Variants in UGT1A8 observed in about 807,000 individuals in gnomAD.
UGT1A8 encodes UDP glucuronosyltransferase family 1 member A8, also known as UDP-glucuronosyltransferase 1A8.
UGT1A8 carries 39 observed loss-of-function variants against 45.3 expected under a neutral mutation model. The observed-to-expected ratio is 0.86, with a 90% CI of 0.67 to 1.12. The LOEUF (loss-of-function observed/expected upper bound fraction) is 1.12. UGT1A8 is among the 50% of genes most tolerant of loss of function. The probability of loss-of-function intolerance (pLI) is 0.00; values close to 1 mark genes in which losing one functional copy is unlikely to be tolerated. For missense variants in UGT1A8, 719 were observed against 664.9 expected, an observed-to-expected ratio of 1.08 and a Z score of -0.90; for synonymous variants, 275 against 249.2, an observed-to-expected ratio of 1.10 and a Z score of -0.97.
chr2:233,682,708 T>C (rs766002261), intron 1 of UGT1A8: 15 of 1,613,796 alleles, frequency 9.3e-6, no homozygotes, highest in Admixed American at 8.3e-5. Context: ...GAACTGACTT[T>C]GTTTTGGAGT....
At chr2:233,639,459 C>T (rs2073390154) in intron 1 of UGT1A8, among the ~76,000 whole-genome samples, 1 of 152,196 alleles carries the variant, frequency 6.6e-6, no homozygotes, top group African/African-American at 2.4e-5. Flanking sequence ...TTGCTCTTTC[C>T]TTGTTTCAGA....
At chr2:233,637,094 C>T in intron 1 of UGT1A8, 1 of 1,613,932 alleles carries the variant, frequency 6.2e-7, no homozygotes, top group South Asian at 1.1e-5. Context: ...TCCTATGTCC[C>T]CAATGATCTC....
intron 1 of UGT1A8, among the ~76,000 whole-genome samples, chr2:233,668,540 C>T (rs774366374): frequency 7.9e-5 from 12 of 152,110 alleles, no homozygotes; most frequent in Non-Finnish European, 1.6e-4. Flanking sequence ...CTTTATAGTA[C>T]CATGATTTAT....
intron 1 of UGT1A8, chr2:233,637,298 T>C: frequency 6.2e-7 from 1 of 1,613,998 alleles, no homozygotes; most frequent in Non-Finnish European, 8.5e-7. Flanking sequence ...GACTTTGTTT[T>C]GGACTATCCC....
intron 1 of UGT1A8, chr2:233,712,975 CGGT>C (rs2076265720): frequency 6.2e-7 from 1 of 1,612,932 alleles, no homozygotes; most frequent in African/African-American, 1.3e-5. Flanking sequence ...AGTCAGCTGT[CGGT>C]GGCTTCTGCT....
intron 1 of UGT1A8, among the ~76,000 whole-genome samples, chr2:233,653,047 G>T (rs1227072347): frequency 6.6e-6 from 1 of 152,208 alleles, no homozygotes; most frequent in Non-Finnish European, 1.5e-5. Flanking sequence ...TCTAAGATGT[G>T]CAAGTAAACA....
chr2:233,622,811 T>G (rs1472169995), intron 1 of UGT1A8, among the ~76,000 whole-genome samples: 4 of 152,218 alleles, frequency 2.6e-5, no homozygotes, highest in Non-Finnish European at 5.9e-5. Flanking sequence ...CATGCCTATG[T>G]CCTGAATGGT....
intron 1 of UGT1A8, among the ~76,000 whole-genome samples, chr2:233,658,110 C>T (rs1013678748): frequency 1.3e-5 from 2 of 151,392 alleles, no homozygotes; most frequent in African/African-American, 4.9e-5. Flanking sequence ...CCTCTGCCTC[C>T]TGGGTTCAAA....
At chr2:233,625,397 A>G (rs1157072152) in intron 1 of UGT1A8, among the ~76,000 whole-genome samples, 1 of 152,122 alleles carries the variant, frequency 6.6e-6, no homozygotes, top group Non-Finnish European at 1.5e-5. Context: ...TTTGACAAAG[A>G]AGTTAAAACA....
At chr2:233,644,631 G>T (rs1424337713) in intron 1 of UGT1A8, among the ~76,000 whole-genome samples, 1 of 152,090 alleles carries the variant, frequency 6.6e-6, no homozygotes, top group African/African-American at 2.4e-5. Flanking sequence ...GCTGAGTTTG[G>T]TCTGGGTTTC....
At chr2:233,743,677 G>A (rs1026564745) in intron 1 of UGT1A8, 2 of 1,367,100 alleles carry the variant, frequency 1.5e-6, no homozygotes, top group African/African-American at 1.5e-5. Flanking sequence ...CGAAGGGCCT[G>A]CCGCCTGTGC....
intron 1 of UGT1A8, among the ~76,000 whole-genome samples, chr2:233,620,353 C>T (rs560482864): frequency 6.6e-6 from 1 of 152,278 alleles, no homozygotes; most frequent in East Asian, 1.9e-4. Flanking sequence ...GTACCAAGCA[C>T]CACCCATGTG....
intron 1 of UGT1A8, among the ~76,000 whole-genome samples, chr2:233,642,506 C>G (rs564230416): frequency 1.3e-5 from 2 of 152,224 alleles, no homozygotes; most frequent in African/African-American, 2.4e-5. Flanking sequence ...GTTTCTCCAG[C>G]GTTAGTCCCT....
intron 1 of UGT1A8, among the ~76,000 whole-genome samples, chr2:233,694,040 T>C (rs1407737408): frequency 6.6e-6 from 1 of 152,276 alleles, no homozygotes; most frequent in African/African-American, 2.4e-5. Flanking sequence ...GCTGAAGTGA[T>C]ACAGAGGCAT....
In UGT1A8 at chr2:233,772,482, T is replaced by G. The variant is rs780493798; in HGVS notation, c.1516T>G (p.Cys506Gly). Residue 506 changes from cysteine to glycine, a missense_variant, in exon 5 of 5, where the codon TGT becomes GGT. Transcript: ENST00000373450. ...GACAGTGGCCTTCATCACCTTTAAATGTTGTGCTTATGGCTACCGGAAATG... is the reference window on the plus strand; with the variant it reads ...GACAGTGGCCTTCATCACCTTTAAAGGTTGTGCTTATGGCTACCGGAAATG... Reference protein sequence around the residue: ...VLTVAFITFKCCAYGYRKCLG... With the variant: ...VLTVAFITFKGCAYGYRKCLG... 5.0e-6 allele frequency: 8 copies of G among 1,614,124 alleles called. No homozygotes were observed. The Admixed American group carries it at 1.3e-4, about 27-fold the overall frequency.
intron 1 of UGT1A8, among the ~76,000 whole-genome samples, chr2:233,727,843 T>A (rs768506184): frequency 1.3e-4 from 19 of 151,996 alleles, no homozygotes; most frequent in Non-Finnish European, 2.6e-4. Context: ...CAATGTGGAG[T>A]AATTTCCTCC....
At chr2:233,724,685 G>T (rs1329497832) in intron 1 of UGT1A8, among the ~76,000 whole-genome samples, 6 of 144,884 alleles carry the variant, frequency 4.1e-5, no homozygotes, top group African/African-American at 1.6e-4. Context: ...TGGGATGGCG[G>T]CCGGGTGAAG....
intron 1 of UGT1A8, among the ~76,000 whole-genome samples, chr2:233,621,241 T>C (rs759656117): frequency 6.6e-6 from 1 of 152,184 alleles, no homozygotes; most frequent in Non-Finnish European, 1.5e-5. Flanking sequence ...TGTGTGTGTG[T>C]TGATTAAAGA....
intron 1 of UGT1A8, among the ~76,000 whole-genome samples, chr2:233,683,273 C>A (rs755879410): frequency 5.9e-5 from 9 of 151,828 alleles, no homozygotes; most frequent in Non-Finnish European, 1.2e-4. Flanking sequence ...TTTCTCTTGT[C>A]AATAAGTTAA....
Sources: gnomAD v4.1 joint callset for allele counts (sites outside exome capture counted in the v4.1 genomes callset) on GRCh38, gnomAD v4.1.1 for gene constraint, MANE v1.5 for transcripts, NCBI Gene and HGNC (gene_info 2026-07-23, HGNC 2026-07-21) for gene names.